Variants in PAN3 observed in about 807,000 individuals in gnomAD.
PAN3 encodes the protein PAN2-PAN3 deadenylation complex subunit PAN3.
Under a neutral mutation model 96.2 loss-of-function variants are expected in PAN3, and 19 were observed. That is an observed-to-expected ratio of 0.20 (90% CI 0.14 to 0.29). PAN3 has a LOEUF of 0.29. Among genes scored for constraint, PAN3 ranks in the 10% least tolerant of loss-of-function variants. The probability of loss-of-function intolerance (pLI) is 1.00; values close to 1 mark genes in which losing one functional copy is unlikely to be tolerated. For synonymous variants in PAN3, 433 were observed against 406.6 expected, an observed-to-expected ratio of 1.06 and a Z score of -0.78; for missense variants, 882 against 1,108.1, an observed-to-expected ratio of 0.80 and a Z score of 2.90.
intron 5 of PAN3, among the ~76,000 whole-genome samples, chr13:28,219,024 A>T (rs1254902923): frequency 6.6e-6 from 1 of 152,146 alleles, no homozygotes; most frequent in African/African-American, 2.4e-5. Flanking sequence ...TATAACTAGG[A>T]AGGTACTACG....
At chr13:28,289,200 G>A (rs191404991) in intron 18 of PAN3, among the ~76,000 whole-genome samples, 264 of 152,280 alleles carry the variant, frequency 1.7e-3, no homozygotes, top group African/African-American at 6.0e-3. Flanking sequence ...AGCAGGTCCA[G>A]CTGTTATAAA....
intron 12 of PAN3, among the ~76,000 whole-genome samples, chr13:28,267,886 CAT>C (rs1467450375): frequency 4.6e-5 from 7 of 152,210 alleles, no homozygotes; most frequent in Middle Eastern, 3.4e-3. Context: ...GCAGCCAAAC[CAT>C]ATCACATTTT....
chr13:28,239,126 C>A (rs1475063497), intron 6 of PAN3, among the ~76,000 whole-genome samples: 2 of 141,374 alleles, frequency 1.4e-5, no homozygotes, highest in Non-Finnish European at 3.1e-5. Context: ...CTGGTGGAGA[C>A]TTTTAATCCC....
chr13:28,249,003 A>C (rs1456903832), intron 6 of PAN3, among the ~76,000 whole-genome samples: 1 of 152,158 alleles, frequency 6.6e-6, no homozygotes, highest in African/African-American at 2.4e-5. Flanking sequence ...ATGATTTGCA[A>C]ATATTTTCTC....
At chr13:28,216,079 TC>T (rs1880719520) in intron 5 of PAN3, among the ~76,000 whole-genome samples, 1 of 142,482 alleles carries the variant, frequency 7.0e-6, no homozygotes, top group Non-Finnish European at 1.5e-5. Flanking sequence ...TTGTTTTTTT[TC>T]TTTTTTCTTT....
intron 6 of PAN3, among the ~76,000 whole-genome samples, chr13:28,245,551 C>T (rs1045904154): frequency 6.6e-6 from 1 of 151,988 alleles, no homozygotes; most frequent in African/African-American, 2.4e-5. Context: ...TAAAATCAAT[C>T]CTTTTAAAGT....
chr13:28,232,874 G>C (rs1487338815), intron 6 of PAN3, among the ~76,000 whole-genome samples: 1 of 152,092 alleles, frequency 6.6e-6, no homozygotes, highest in Non-Finnish European at 1.5e-5. Flanking sequence ...TAACATAACT[G>C]TGATCTATGG....
intron 3 of PAN3, 101 bp downstream of exon 3, chr13:28,176,660 C>A: frequency 1.8e-6 from 2 of 1,128,516 alleles, no homozygotes; most frequent in East Asian, 2.4e-5. Flanking sequence ...TGTAAACGGG[C>A]ATAAAGAAGA....
Position 28,272,086 on chromosome 13 carries a change from A to G in PAN3, c.2049+15A>G, listed in dbSNP as rs571929618. ...CCCAGTACCAGGTGAGTAAGAATTA[A>G]CATGGATATTTACTTGTTTTCCTTT... On this transcript the variant is annotated intron_variant, in intron 14 of 18. Transcript: ENST00000380958. 93 of 1,468,756 alleles carry G rather than the reference A, an allele frequency of 6.3e-5. No individual in the cohort carries two copies. In the Admixed American group the frequency reaches 1.8e-3, roughly 28 times the overall value. The allele number at this position is 1,468,756 out of a possible 1,614,324, so 91.0% of individuals were successfully genotyped here. A position where few individuals can be genotyped will look rare whatever the true frequency, so the allele number is the denominator to read the frequency against.
At position 28,261,531 on chromosome 13, in the gene PAN3, CATT is replaced by C. The variant is rs1340934388; in HGVS notation, c.1411+78_1411+80del. Reference sequence around the variant, plus strand: ...CTTACGTGGTAGTACATGTTTTATGCATTATTAAGAAGAGTTCCAGGCTGGGCC... The same window carrying C: ...CTTACGTGGTAGTACATGTTTTATGCATTAAGAAGAGTTCCAGGCTGGGCC... On this transcript the variant is annotated intron_variant, in intron 9 of 18. Coordinates refer to ENST00000380958, the MANE Select transcript of PAN3 (RefSeq NM_175854.8). 2.2e-6 allele frequency: 3 copies of C among 1,378,576 alleles called. No homozygotes were observed. In the African/African-American group the frequency reaches 4.3e-5, roughly 20 times the overall value. The allele number at this position is 1,378,576 out of a possible 1,614,324, so 85.4% of individuals were successfully genotyped here. A position where few individuals can be genotyped will look rare whatever the true frequency, so the allele number is the denominator to read the frequency against.
intron 1 of PAN3, among the ~76,000 whole-genome samples, chr13:28,141,015 T>TA: frequency 7.1e-6 from 1 of 140,912 alleles, no homozygotes; most frequent in East Asian, 2.8e-4. Context: ...TTTTTTTTTT[T>TA]TTTTTTTGAG....
intron 5 of PAN3, among the ~76,000 whole-genome samples, chr13:28,199,801 G>T (rs1878488847): frequency 6.6e-6 from 1 of 151,944 alleles, no homozygotes; most frequent in African/African-American, 2.4e-5. Context: ...ACATATACTA[G>T]TTAAAAGAAT....
intron 1 of PAN3, among the ~76,000 whole-genome samples, chr13:28,150,086 G>A (rs1871171244): frequency 6.6e-6 from 1 of 152,074 alleles, no homozygotes; most frequent in African/African-American, 2.4e-5. Context: ...GAATTTGATG[G>A]TATACTTGAT....
At chr13:28,273,265 G>A (rs1357031813) in intron 14 of PAN3, among the ~76,000 whole-genome samples, 3 of 152,158 alleles carry the variant, frequency 2.0e-5, no homozygotes, top group Non-Finnish European at 2.9e-5. Flanking sequence ...TGATTTAAAT[G>A]ATAAAGTATC....
At chr13:28,224,962 G>C (rs979755486) in intron 6 of PAN3, among the ~76,000 whole-genome samples, 2 of 151,964 alleles carry the variant, frequency 1.3e-5, no homozygotes, top group Non-Finnish European at 2.9e-5. Context: ...GATTGATATG[G>C]GGAGAATCAT....
At chr13:28,184,500 C>G (rs1300685019) in intron 4 of PAN3, among the ~76,000 whole-genome samples, 1 of 151,968 alleles carries the variant, frequency 6.6e-6, no homozygotes, top group African/African-American at 2.4e-5. Flanking sequence ...GATAAAACAT[C>G]GTTTAACCTT....
chr13:28,177,602 G>GT (rs559374884), intron 3 of PAN3, among the ~76,000 whole-genome samples: 187 of 152,050 alleles, frequency 1.2e-3, no homozygotes, highest in African/African-American at 4.3e-3. Context: ...TGGTTAAGAG[G>GT]TTTTTTTCTC....
chr13:28,176,639 A>G, intron 3 of PAN3, 80 bp downstream of exon 3: 1 of 1,381,080 alleles, frequency 7.2e-7, no homozygotes, highest in East Asian at 2.3e-5. Context: ...CATTGTAGAA[A>G]TTTTGAAAAT....
chr13:28,238,619 G>A (rs985054165), intron 6 of PAN3, among the ~76,000 whole-genome samples: 8 of 152,090 alleles, frequency 5.3e-5, no homozygotes, highest in South Asian at 2.1e-4. Context: ...TTAATTAATA[G>A]CATTGATACT....
Sources: gnomAD v4.1 joint callset for allele counts (sites outside exome capture counted in the v4.1 genomes callset) on GRCh38, gnomAD v4.1.1 for gene constraint, MANE v1.5 for transcripts, NCBI Gene and HGNC (gene_info 2026-07-23, HGNC 2026-07-21) for gene names.